Variants in SLC25A26 observed in about 807,000 individuals in gnomAD.
The protein encoded by SLC25A26 is solute carrier family 25 member 26, also known as mitochondrial S-adenosylmethionine carrier protein.
In SLC25A26, 36 loss-of-function variants were observed where a neutral mutation model predicts 37.8. The ratio of observed to expected loss-of-function variants is 0.95; its 90% confidence interval spans 0.73 to 1.26. The LOEUF is 1.26. Ranked by LOEUF, SLC25A26 falls within the 50% of genes most tolerant of loss-of-function variation. The pLI is 0.00. For synonymous variants in SLC25A26, 129 were observed against 122.5 expected (o/e 1.05, Z -0.35); for missense variants, 390 against 331.1 (o/e 1.18, Z -1.38).
At chr3:66,141,471 G>A (rs1309100514) in intron 1 of SLC25A26, among the ~76,000 whole-genome samples, 2 of 151,564 alleles carry the variant, frequency 1.3e-5, no homozygotes, top group African/African-American at 4.9e-5. Flanking sequence ...TGATAATGAT[G>A]TCCTGTGTCA....
rs530122627 is a variant in SLC25A26, at chr3:66,293,287, A to T, written c.453+29908A>T. 4 of 152,212 alleles carry T rather than the reference A, an allele frequency of 2.6e-5. No homozygotes were observed. In the South Asian group the frequency reaches 8.3e-4, roughly 32 times the overall value. 9.4% of individuals were successfully genotyped at this position (152,212 alleles called of 1,614,324 possible). A position where few individuals can be genotyped will look rare whatever the true frequency, so the allele number is the denominator to read the frequency against. ...GGAGTATTTTTTACTTGTACTTTGA[A>T]TGGTACTAAAACATTGAGCCTGGGC... On this transcript the variant is annotated intron_variant, in intron 5 of 9. Transcript: ENST00000354883.
At chr3:66,255,108 A>G (rs955749566) in intron 3 of SLC25A26, among the ~76,000 whole-genome samples, 2 of 152,108 alleles carry the variant, frequency 1.3e-5, no homozygotes, top group Non-Finnish European at 2.9e-5. Context: ...TTCCCTTTCA[A>G]ATGTTTAGTT....
chr3:66,212,230 G>C lies in SLC25A26; in HGVS notation c.-353-8512G>C, dbSNP rs1237652545. 2.6e-5 allele frequency among the ~76,000 whole-genome samples: 4 copies of C among 152,020 alleles called. No homozygotes were observed. The East Asian group carries it at 7.7e-4, about 29-fold the overall frequency. ...GGGCTCAAGTGATCCTCCCACCTCA[G>C]CCTCCTGAGGAGCTGGGACTACAGG... On this transcript the variant is annotated intron_variant, in intron 1 of 10. Coordinates refer to the SLC25A26 transcript ENST00000676754.
At position 66,377,702 on chromosome 3, in the gene SLC25A26, T is replaced by C. The variant is rs1270101584; in HGVS notation, c.720T>C (p.Gly240=). 1.9e-6 allele frequency: 3 copies of C among 1,613,418 alleles called. No individual in the cohort carries two copies. In the Admixed American group the frequency reaches 5.0e-5, roughly 27 times the overall value. ...RSQGLAGLFA[G]VFPRMAAISL... is the part of the protein sequence containing the mutation. ...TTTTTTCCCCTAGATTATTTGCAGGTGTCTTCCCTCGAATGGCAGCCATCA... is the reference window on the plus strand; with the variant it reads ...TTTTTTCCCCTAGATTATTTGCAGGCGTCTTCCCTCGAATGGCAGCCATCA... Residue 240 remains glycine, a synonymous_variant, in exon 10 of 10, where the codon GGT becomes GGC. Transcript: ENST00000354883.
At chr3:66,270,801 T>C (rs2073931396) in intron 5 of SLC25A26, among the ~76,000 whole-genome samples, 1 of 152,190 alleles carries the variant, frequency 6.6e-6, no homozygotes, top group Non-Finnish European at 1.5e-5. Flanking sequence ...GGAAGAACAA[T>C]TGAGTAAAAT....
At chr3:66,333,969 T>G (rs1295639204) in intron 5 of SLC25A26, among the ~76,000 whole-genome samples, 1 of 152,146 alleles carries the variant, frequency 6.6e-6, no homozygotes, top group African/African-American at 2.4e-5. Context: ...AAAATGGTAA[T>G]GGAGGTAAAG....
chr3:66,277,425 G>A (rs747023654), intron 5 of SLC25A26, among the ~76,000 whole-genome samples: 18 of 151,984 alleles, frequency 1.2e-4, no homozygotes, highest in Non-Finnish European at 1.6e-4. Flanking sequence ...CATGGTTCTC[G>A]GGTGTTAGGG....
chr3:66,352,870 C>A (rs2076491314), intron 6 of SLC25A26, among the ~76,000 whole-genome samples: 1 of 152,172 alleles, frequency 6.6e-6, no homozygotes. Flanking sequence ...CGGTCTACCC[C>A]TCTCCAAAGT....
chr3:66,300,477 T>C (rs924063112), intron 5 of SLC25A26, among the ~76,000 whole-genome samples: 2 of 152,180 alleles, frequency 1.3e-5, no homozygotes, highest in African/African-American at 2.4e-5. Context: ...TCAAATTACC[T>C]TTTCCTATTT....
At chr3:66,142,151 C>T (rs1422497577) in intron 1 of SLC25A26, among the ~76,000 whole-genome samples, 8 of 152,300 alleles carry the variant, frequency 5.3e-5, no homozygotes, top group African/African-American at 1.9e-4. Context: ...AACCCCACTC[C>T]AGCCTCTGGG....
intron 5 of SLC25A26, chr3:66,293,176 T>C (rs1457994165): frequency 6.6e-6 from 1 of 152,250 alleles, no homozygotes; most frequent in African/African-American, 2.4e-5. Context: ...GCTAATCTTC[T>C]CTGTATTGTT....
intron 5 of SLC25A26, among the ~76,000 whole-genome samples, chr3:66,325,217 G>C (rs2075806645): frequency 1.3e-5 from 2 of 152,120 alleles, no homozygotes; most frequent in South Asian, 4.1e-4. Context: ...AAAAATAAAA[G>C]ATAGCCAGAA....
intron 1 of SLC25A26, among the ~76,000 whole-genome samples, chr3:66,134,443 G>A (rs925566801): frequency 6.6e-5 from 10 of 152,254 alleles, no homozygotes; most frequent in South Asian, 4.1e-4. Flanking sequence ...AAGTGCCCCC[G>A]CACCAAAAAT....
At chr3:66,228,646 A>G (rs1458681221) in intron 1 of SLC25A26, among the ~76,000 whole-genome samples, 1 of 152,214 alleles carries the variant, frequency 6.6e-6, no homozygotes, top group African/African-American at 2.4e-5. Flanking sequence ...TAGGAGGCAG[A>G]TGCTAAACGA....
At chr3:66,272,198 T>C (rs972735743) in intron 5 of SLC25A26, among the ~76,000 whole-genome samples, 1 of 152,142 alleles carries the variant, frequency 6.6e-6, no homozygotes, top group Non-Finnish European at 1.5e-5. Context: ...ATGCGATCCC[T>C]ACTTGACAGA....
chr3:66,257,926 C>A (rs966178936), intron 3 of SLC25A26, among the ~76,000 whole-genome samples: 9 of 152,190 alleles, frequency 5.9e-5, no homozygotes, highest in African/African-American at 1.9e-4. Context: ...ACTCTTGATG[C>A]GTTGCTCTGC....
chr3:66,211,918 C>A lies in SLC25A26; in HGVS notation c.-353-8824C>A, dbSNP rs1420243210. ...ATGAGCAACCATCACTACTATAGAT[C>A]TCAAGAATTTTTTCATCTTCCCCAA... On this transcript the variant is annotated intron_variant, in intron 1 of 10. Coordinates refer to the SLC25A26 transcript ENST00000676754. 2.0e-5 allele frequency among the ~76,000 whole-genome samples: 3 copies of A among 152,134 alleles called. No homozygotes were observed. The East Asian group carries it at 5.8e-4, about 29-fold the overall frequency.
intron 3 of SLC25A26, among the ~76,000 whole-genome samples, chr3:66,249,621 G>C (rs1472303180): frequency 6.6e-6 from 1 of 152,212 alleles, no homozygotes; most frequent in East Asian, 1.9e-4. Flanking sequence ...CTTTTGAAAT[G>C]TATTTTATCT....
chr3:66,366,979 T>C (rs1330270175), intron 7 of SLC25A26, among the ~76,000 whole-genome samples: 1 of 152,230 alleles, frequency 6.6e-6, no homozygotes, highest in East Asian at 1.9e-4. Flanking sequence ...AGATACGAAG[T>C]AAGCACTGCA....
Sources: allele counts gnomAD v4.1 joint callset (sites outside exome capture counted in the v4.1 genomes callset), GRCh38; gene constraint gnomAD v4.1.1; transcripts MANE v1.5; gene names NCBI Gene and HGNC (gene_info 2026-07-23, HGNC 2026-07-21).